The following CNTN5 variants were observed in gnomAD, a reference collection of about 807,000 sequenced individuals.
CNTN5 encodes the protein contactin 5, also known as contactin-5.
Under a neutral mutation model 129.1 loss-of-function variants are expected in CNTN5, and 77 were observed. The ratio of observed to expected loss-of-function variants is 0.60; its 90% CI spans 0.50 to 0.72. The LOEUF is 0.72. CNTN5 is among the 30% of genes least tolerant of loss of function. The probability of loss-of-function intolerance (pLI) is 0.00; values close to 1 mark genes in which losing one functional copy is unlikely to be tolerated. For missense variants in CNTN5, 1,478 were observed against 1,328.8 expected, an observed-to-expected ratio of 1.11 and a Z score of -1.75; for synonymous variants, 509 against 465.6, an observed-to-expected ratio of 1.09 and a Z score of -1.20.
At chr11:99,838,009 C>T (rs1480458249) in intron 4 of CNTN5, among the ~76,000 whole-genome samples, 1 of 151,992 alleles carries the variant, frequency 6.6e-6, no homozygotes, top group East Asian at 1.9e-4. Flanking sequence ...GAAAATATGT[C>T]AATTTCTATA....
chr11:99,406,164 A>G (rs4754624), intron 2 of CNTN5, among the ~76,000 whole-genome samples: 112,971 of 151,552 alleles, frequency 0.75, 42,958 homozygotes, highest in African/African-American at 0.9. Context: ...AGTATTCACA[A>G]TCTGGGCTTA....
chr11:99,554,533 G>T (rs1033623944), intron 2 of CNTN5, among the ~76,000 whole-genome samples: 1 of 152,010 alleles, frequency 6.6e-6, no homozygotes, highest in African/African-American at 2.4e-5. Context: ...ATTTGTTTAT[G>T]AAGAATATTT....
At chr11:100,156,767 T>G (rs1947257377) in intron 13 of CNTN5, among the ~76,000 whole-genome samples, 1 of 152,112 alleles carries the variant, frequency 6.6e-6, no homozygotes, top group East Asian at 1.9e-4. Context: ...TCTTCTAGAT[T>G]TTCTAGCTTA....
Position 99,072,536 on chromosome 11 carries a change from T to C in CNTN5, c.-210+51266T>C, listed in dbSNP as rs570202748. On this transcript the variant is annotated intron_variant, in intron 1 of 24. Coordinates refer to ENST00000524871, the MANE Select transcript of CNTN5 (RefSeq NM_014361.4). ...CATTATGTTTAGTAGTTGCCTTATT[T>C]GTAATTACAACTGAGGTTGTACCTT... 1.7e-4 allele frequency among the ~76,000 whole-genome samples: 26 copies of C among 152,222 alleles called. 1 individual carries two copies. Among genetic ancestry groups the C allele is most frequent in the African/African-American group, 5.3e-4 (22 of 41,572 alleles).
chr11:99,219,335 A>T (rs1420458469), intron 1 of CNTN5, among the ~76,000 whole-genome samples: 1 of 151,962 alleles, frequency 6.6e-6, no homozygotes, highest in African/African-American at 2.4e-5. Context: ...ATTGCTAAAG[A>T]GGCTTAGAAA....
intron 3 of CNTN5, among the ~76,000 whole-genome samples, chr11:99,646,034 T>C (rs1383062338): frequency 3.3e-5 from 5 of 152,236 alleles, no homozygotes; most frequent in Non-Finnish European, 7.3e-5. Flanking sequence ...AAAAGTTTAC[T>C]GAACAAGTCC....
chr11:99,703,372 T>C (rs1359357561), intron 3 of CNTN5, among the ~76,000 whole-genome samples: 1 of 150,624 alleles, frequency 6.6e-6, no homozygotes, highest in African/African-American at 2.4e-5. Flanking sequence ...TGAAGTGATA[T>C]ATATCTTCCT....
chr11:99,461,266 T>A (rs1944686506), intron 2 of CNTN5, among the ~76,000 whole-genome samples: 1 of 152,118 alleles, frequency 6.6e-6, no homozygotes, highest in African/African-American at 2.4e-5. Context: ...TGTCAAGGTG[T>A]ATGTTTTTGA....
chr11:99,554,001 C>T (rs1166798064), intron 2 of CNTN5, among the ~76,000 whole-genome samples: 2 of 141,014 alleles, frequency 1.4e-5, no homozygotes, highest in Admixed American at 7.2e-5. Context: ...CACACATACA[C>T]ACACACACAC....
intron 1 of CNTN5, among the ~76,000 whole-genome samples, chr11:99,076,958 C>CA (rs1865601737): frequency 6.6e-6 from 1 of 152,102 alleles, no homozygotes; most frequent in Non-Finnish European, 1.5e-5. Context: ...CCAACCAAAC[C>CA]AATCATACTG....
intron 11 of CNTN5, 55 bp downstream of exon 11, chr11:100,070,615 A>G: frequency 3.3e-6 from 5 of 1,538,306 alleles, no homozygotes; most frequent in Non-Finnish European, 4.5e-6. Context: ...GATTTCACAC[A>G]GGACAAACTA....
intron 1 of CNTN5, among the ~76,000 whole-genome samples, chr11:99,292,116 A>G (rs1040832455): frequency 1.3e-5 from 2 of 152,012 alleles, no homozygotes; most frequent in African/African-American, 4.8e-5. Flanking sequence ...TGTAATTTAC[A>G]TTTTGTATAG....
chr11:99,789,113 T>C (rs564312230), intron 3 of CNTN5, among the ~76,000 whole-genome samples: 68 of 152,066 alleles, frequency 4.5e-4, no homozygotes, highest in African/African-American at 1.5e-3. Flanking sequence ...CTATGTTACT[T>C]TGAAGAATCA....
chr11:99,541,358 T>C (rs941888250), intron 2 of CNTN5, among the ~76,000 whole-genome samples: 2 of 152,218 alleles, frequency 1.3e-5, no homozygotes, highest in African/African-American at 4.8e-5. Flanking sequence ...ACTTTTCTCT[T>C]AGCAGCTAGT....
rs1017439696 is a variant in CNTN5 at position 99,392,972 on chromosome 11, G to A, written c.-71+67488G>A. On this transcript the variant is annotated intron_variant, in intron 2 of 24. Coordinates refer to ENST00000524871, the MANE Select transcript of CNTN5 (RefSeq NM_014361.4). The stretch of plus-strand genomic sequence containing the variant: ...GCTTTGAATAGCATGTGGAAATAAT[G>A]GTATAAGGATGAGTAAGATTGTCTA... Among the ~76,000 whole-genome samples the A allele has an allele frequency of 3.3e-5, 5 of 151,646 alleles. 1 individual carries two copies. Among genetic ancestry groups the A allele is most frequent in the South Asian group, 4.1e-4 (2 of 4,824 alleles).
intron 2 of CNTN5, among the ~76,000 whole-genome samples, chr11:99,548,031 C>T (rs1028527727): frequency 6.6e-6 from 1 of 152,172 alleles, no homozygotes; most frequent in African/African-American, 2.4e-5. Context: ...GCACTTAGAA[C>T]AGTACCTGGC....
chr11:100,264,188 ATCTT>A (rs1389771482), intron 17 of CNTN5, among the ~76,000 whole-genome samples: 4 of 152,108 alleles, frequency 2.6e-5, no homozygotes, highest in Admixed American at 6.5e-5. Context: ...TTGCATCTTT[ATCTT>A]TCTAATATTA....
chr11:99,822,546 A>G (rs979609540), intron 4 of CNTN5, among the ~76,000 whole-genome samples: 3 of 152,198 alleles, frequency 2.0e-5, no homozygotes, highest in Non-Finnish European at 2.9e-5. Flanking sequence ...GATACACATA[A>G]GTGGTATAAT....
At chr11:99,408,101 C>T (rs1468127310) in intron 2 of CNTN5, among the ~76,000 whole-genome samples, 1 of 152,044 alleles carries the variant, frequency 6.6e-6, no homozygotes, top group Non-Finnish European at 1.5e-5. Flanking sequence ...GTGTCCTTGG[C>T]AGGGCAGGTG....
Sources: gnomAD v4.1 joint callset for allele counts (sites outside exome capture counted in the v4.1 genomes callset) on GRCh38, gnomAD v4.1.1 for gene constraint, MANE v1.5 for transcripts, NCBI Gene and HGNC (gene_info 2026-07-23, HGNC 2026-07-21) for gene names.